Variants in IQCB1 observed in about 807,000 individuals in gnomAD.
The protein encoded by IQCB1 is IQ motif containing B1, also known as IQ calmodulin-binding motif-containing protein 1.
In IQCB1, 56 loss-of-function variants were observed where a neutral mutation model predicts 84.4. The ratio of observed to expected loss-of-function variants is 0.66; its 90% CI spans 0.54 to 0.83. The LOEUF is 0.83. IQCB1 is among the 40% of genes least tolerant of loss of function. IQCB1 has a pLI of 0.00. For synonymous variants in IQCB1, 210 were observed against 234.8 expected (o/e 0.89, Z 0.96); for missense variants, 629 against 682.1 (o/e 0.92, Z 0.87).
intron 9 of IQCB1, among the ~76,000 whole-genome samples, chr3:121,796,764 T>C (rs1464913060): frequency 6.6e-6 from 1 of 152,148 alleles, no homozygotes; most frequent in Non-Finnish European, 1.5e-5. Context: ...GAAACTGATG[T>C]GGCAGTATTT....
chr3:121,800,410 T>C (rs1370804979), intron 7 of IQCB1, among the ~76,000 whole-genome samples: 3 of 151,956 alleles, frequency 2.0e-5, no homozygotes, highest in Non-Finnish European at 2.9e-5. Flanking sequence ...ATAATTTTGT[T>C]AAGAGAAAAG....
At chr3:121,808,823 G>T in intron 6 of IQCB1, 93 bp downstream of exon 6, 1 of 771,014 alleles carries the variant, frequency 1.3e-6, no homozygotes, top group Non-Finnish European at 2.3e-6. Flanking sequence ...TATCTGCACA[G>T]TTCATGTGGC....
chr3:121,770,653 T>A, intron 14 of IQCB1, 79 bp from the exon 15 acceptor site: 2 of 1,064,656 alleles, frequency 1.9e-6, no homozygotes, highest in Non-Finnish European at 2.9e-6. Context: ...TACAGAGCTG[T>A]AACTCTGCAG....
chr3:121,790,614 T>C (rs1948927503), intron 10 of IQCB1, among the ~76,000 whole-genome samples: 1 of 152,200 alleles, frequency 6.6e-6, no homozygotes, highest in Admixed American at 6.5e-5. Flanking sequence ...AAACAGATAC[T>C]GGTTCATTCA....
intron 5 of IQCB1, among the ~76,000 whole-genome samples, chr3:121,811,386 C>T (rs1211509231): frequency 6.6e-6 from 1 of 152,132 alleles, no homozygotes; most frequent in African/African-American, 2.4e-5. Flanking sequence ...CTTTTTGTAC[C>T]TCAGTGGTGG....
At chr3:121,823,450 A>G (rs2331965) in intron 5 of IQCB1, among the ~76,000 whole-genome samples, 97,807 of 151,926 alleles carry the variant, frequency 0.64, 31,990 homozygotes, top group African/African-American at 0.72. Flanking sequence ...ACATCTTAAA[A>G]AAGCCAAAGA....
chr3:121,773,141 G>A (rs553927725), intron 13 of IQCB1, among the ~76,000 whole-genome samples: 6 of 152,050 alleles, frequency 3.9e-5, no homozygotes, highest in Admixed American at 3.9e-4. Context: ...TGGCCAACAC[G>A]GTGAAAACCC....
chr3:121,805,004 C>A (rs1949553596), intron 7 of IQCB1, among the ~76,000 whole-genome samples: 1 of 152,118 alleles, frequency 6.6e-6, no homozygotes, highest in South Asian at 2.1e-4. Context: ...TATTTTTCAT[C>A]TCAGATATTG....
intron 12 of IQCB1, among the ~76,000 whole-genome samples, chr3:121,786,443 A>C (rs577438506): frequency 6.6e-6 from 1 of 151,320 alleles, no homozygotes; most frequent in South Asian, 2.1e-4. Flanking sequence ...GCTGTGATGA[A>C]CTATGAACAC....
chr3:121,783,265 T>C (rs994376885), intron 12 of IQCB1, among the ~76,000 whole-genome samples: 3 of 152,208 alleles, frequency 2.0e-5, no homozygotes, highest in African/African-American at 7.2e-5. Flanking sequence ...ATTCAGGTTA[T>C]TCTTTTGATA....
chr3:121,785,162 G>T (rs1347820685), intron 12 of IQCB1, among the ~76,000 whole-genome samples: 1 of 151,998 alleles, frequency 6.6e-6, no homozygotes, highest in Non-Finnish European at 1.5e-5. Context: ...GTGGATAACT[G>T]TTCTGGCCTT....
intron 12 of IQCB1, among the ~76,000 whole-genome samples, chr3:121,787,717 C>T (rs112120626): frequency 0.1 from 15,443 of 149,404 alleles, 839 homozygotes; most frequent in South Asian, 0.15. Flanking sequence ...TGCCATTGCA[C>T]TTCAGCCTTG....
At chr3:121,809,056 C>CTTTTTT in intron 5 of IQCB1, 47 bp from the exon 6 acceptor site, 1 of 893,116 alleles carries the variant, frequency 1.1e-6, no homozygotes. Context: ...AGTTTTTTTC[C>CTTTTTT]TTTTTTTTTT....
At chr3:121,804,888 T>C (rs1949548053) in intron 7 of IQCB1, among the ~76,000 whole-genome samples, 1 of 152,206 alleles carries the variant, frequency 6.6e-6, no homozygotes, top group African/African-American at 2.4e-5. Flanking sequence ...CTGATATGCT[T>C]TTCTTTCCTC....
At chr3:121,772,508 C>T in intron 14 of IQCB1, 49 bp downstream of exon 14, 3 of 1,601,624 alleles carry the variant, frequency 1.9e-6, no homozygotes, top group Non-Finnish European at 2.6e-6. Context: ...TGTCACAAAC[C>T]TCGCATAGGT....
chr3:121,807,575 T>C (rs924704404), intron 6 of IQCB1, 132 bp from the exon 7 acceptor site: 3 of 582,754 alleles, frequency 5.1e-6, no homozygotes, highest in East Asian at 6.0e-5. Flanking sequence ...GACTCTACGA[T>C]AAAGAAGACT....
At chr3:121,781,214 A>G (rs186765725) in intron 13 of IQCB1, among the ~76,000 whole-genome samples, 144 of 152,284 alleles carry the variant, frequency 9.5e-4, no homozygotes, top group Non-Finnish European at 1.7e-3. Context: ...CAGGTGGGAG[A>G]AGAGAATAAC....
rs140438092 is a variant in IQCB1, at chr3:121,818,355, C to T, written c.393+7696G>A. Among the ~76,000 whole-genome samples the T allele has an allele frequency of 1.1e-4, 16 of 152,282 alleles. No individual in the cohort carries two copies. The East Asian group carries it at 1.3e-3, about 13-fold the overall frequency. ...TTACTTATTTTTGGATTCCCACTTG[C>T]GGGTACCTAGTGAGGAAATATCATT... On this transcript the variant is annotated intron_variant, in intron 5 of 14. Transcript: ENST00000310864.
At chr3:121,830,079 G>A (rs1329067241) in intron 2 of IQCB1, among the ~76,000 whole-genome samples, 4 of 151,916 alleles carry the variant, frequency 2.6e-5, no homozygotes, top group East Asian at 1.9e-4. Context: ...ATGGTGGCGC[G>A]TGCCTGTAAT....
Sources: allele counts gnomAD v4.1 joint callset (sites outside exome capture counted in the v4.1 genomes callset), GRCh38; gene constraint gnomAD v4.1.1; transcripts MANE v1.5; gene names NCBI Gene and HGNC (gene_info 2026-07-23, HGNC 2026-07-21).